Variants in HS6ST3 observed in about 807,000 individuals in gnomAD.
The protein encoded by HS6ST3 is heparan-sulfate 6-O-sulfotransferase 3.
Under a neutral mutation model 36.7 loss-of-function variants are expected in HS6ST3, and 12 were observed. The observed-to-expected ratio is 0.33, with a 90% CI of 0.21 to 0.53. HS6ST3 has a LOEUF of 0.53. HS6ST3 is among the 20% of genes least tolerant of loss of function. HS6ST3 has a pLI of 0.95. For synonymous variants in HS6ST3, 240 were observed against 257.5 expected (o/e 0.93, Z 0.65); for missense variants, 584 against 640.9 (o/e 0.91, Z 0.96).
chr13:96,491,073 A>G (rs990632118), intron 1 of HS6ST3, among the ~76,000 whole-genome samples: 1 of 152,168 alleles, frequency 6.6e-6, no homozygotes, highest in Non-Finnish European at 1.5e-5. Flanking sequence ...GGTATATGAT[A>G]GTTCTTAACA....
intron 1 of HS6ST3, among the ~76,000 whole-genome samples, chr13:96,636,787 C>T (rs1033668655): frequency 5.9e-5 from 9 of 152,064 alleles, no homozygotes; most frequent in Admixed American, 2.0e-4. Flanking sequence ...GTGTTTTAAA[C>T]GAGTTGACGA....
At chr13:96,171,270 T>G (rs970029957) in intron 1 of HS6ST3, among the ~76,000 whole-genome samples, 1 of 152,222 alleles carries the variant, frequency 6.6e-6, no homozygotes, top group African/African-American at 2.4e-5. Context: ...AACCATCTCC[T>G]TCCACCTTCC....
intron 1 of HS6ST3, among the ~76,000 whole-genome samples, chr13:96,535,876 A>G (rs2056153378): frequency 6.6e-6 from 1 of 152,150 alleles, no homozygotes; most frequent in African/African-American, 2.4e-5. Context: ...AGCAAGAGGG[A>G]AAGGCAGGAT....
chr13:96,770,990 C>T (rs1877249617), intron 1 of HS6ST3, among the ~76,000 whole-genome samples: 2 of 152,074 alleles, frequency 1.3e-5, no homozygotes, highest in South Asian at 4.2e-4. Context: ...TTTTCTTAAT[C>T]CAGTCTATCA....
intron 1 of HS6ST3, among the ~76,000 whole-genome samples, chr13:96,801,201 C>T (rs536528078): frequency 6.6e-6 from 1 of 152,232 alleles, no homozygotes; most frequent in Non-Finnish European, 1.5e-5. Flanking sequence ...ATCTCTGTGT[C>T]CTTGTTTGAC....
intron 1 of HS6ST3, among the ~76,000 whole-genome samples, chr13:96,106,304 T>G (rs1276762011): frequency 6.6e-6 from 1 of 152,106 alleles, no homozygotes; most frequent in Non-Finnish European, 1.5e-5. Context: ...TGAGTTTAGG[T>G]TATAAAAGGA....
At chr13:96,238,834 G>A (rs1452130782) in intron 1 of HS6ST3, among the ~76,000 whole-genome samples, 3 of 152,200 alleles carry the variant, frequency 2.0e-5, no homozygotes, top group African/African-American at 7.2e-5. Context: ...TTTGCCAAGT[G>A]TTTATTCTAC....
At chr13:96,605,312 C>T (rs2056434849) in intron 1 of HS6ST3, among the ~76,000 whole-genome samples, 1 of 151,950 alleles carries the variant, frequency 6.6e-6, no homozygotes, top group African/African-American at 2.4e-5. Flanking sequence ...TGAAAGAATG[C>T]CTAAATGCTG....
intron 1 of HS6ST3, among the ~76,000 whole-genome samples, chr13:96,739,535 T>C (rs1876380838): frequency 6.6e-6 from 1 of 152,148 alleles, no homozygotes; most frequent in Admixed American, 6.5e-5. Flanking sequence ...TTAGTTGTTC[T>C]GGCTAAAATC....
intron 1 of HS6ST3, among the ~76,000 whole-genome samples, chr13:96,313,616 A>G (rs1042858568): frequency 2.0e-5 from 3 of 152,134 alleles, no homozygotes; most frequent in Admixed American, 2.0e-4. Flanking sequence ...GATTCATCCC[A>G]AGTCTACTAC....
chr13:96,591,264 A>C (rs1350743134), intron 1 of HS6ST3, among the ~76,000 whole-genome samples: 2 of 151,992 alleles, frequency 1.3e-5, no homozygotes, highest in Non-Finnish European at 2.9e-5. Context: ...AATTTCACTG[A>C]ATCTGTAGAA....
chr13:96,269,150 C>G (rs1228414114), intron 1 of HS6ST3, among the ~76,000 whole-genome samples: 1 of 151,764 alleles, frequency 6.6e-6, no homozygotes, highest in Non-Finnish European at 1.5e-5. Context: ...AAACATGCCC[C>G]CAAATCAAGA....
At chr13:96,529,361 T>C (rs932367973) in intron 1 of HS6ST3, among the ~76,000 whole-genome samples, 2 of 152,222 alleles carry the variant, frequency 1.3e-5, no homozygotes, top group Admixed American at 1.3e-4. Flanking sequence ...AGAGATGAAG[T>C]CTTGAATCAG....
In HS6ST3 at chr13:96,545,107, G is replaced by T. The variant is rs778220481; in HGVS notation, c.708-287383G>T. On this transcript the variant is annotated intron_variant, in intron 1 of 1. Coordinates refer to ENST00000376705, the MANE Select transcript of HS6ST3 (RefSeq NM_153456.4). ...TGTATAATGCTATCTAAGTCTTGCT[G>T]GCATTATTTATGCAGCCTGTGTCAG... Among the ~76,000 whole-genome samples, 104 of 152,220 alleles carry T rather than the reference G, an allele frequency of 6.8e-4. 2 individuals are homozygous for T. Among genetic ancestry groups the T allele is most frequent in the Non-Finnish European group, 3.2e-4 (22 of 68,002 alleles).
At chr13:96,151,498 A>C (rs938441551) in intron 1 of HS6ST3, among the ~76,000 whole-genome samples, 1 of 152,160 alleles carries the variant, frequency 6.6e-6, no homozygotes, top group Non-Finnish European at 1.5e-5. Flanking sequence ...GTCTAGATGG[A>C]TATACGCACA....
intron 1 of HS6ST3, among the ~76,000 whole-genome samples, chr13:96,122,743 G>A (rs924974268): frequency 3.9e-5 from 6 of 152,122 alleles, no homozygotes; most frequent in African/African-American, 9.7e-5. Flanking sequence ...CTACATCAGC[G>A]TTTCGAACTG....
intron 1 of HS6ST3, chr13:96,573,975 A>G (rs1317218367): frequency 5.6e-6 from 3 of 538,728 alleles, no homozygotes; most frequent in Non-Finnish European, 1.1e-5. Context: ...CTCCACTGTC[A>G]GCTCTATGGC....
chr13:96,439,231 G>A (rs2055658140), intron 1 of HS6ST3, among the ~76,000 whole-genome samples: 1 of 152,124 alleles, frequency 6.6e-6, no homozygotes, highest in Non-Finnish European at 1.5e-5. Flanking sequence ...GTTGGTCCTG[G>A]TCCTCTTTAT....
chr13:96,197,033 T>A (rs945804489), intron 1 of HS6ST3, among the ~76,000 whole-genome samples: 1 of 152,354 alleles, frequency 6.6e-6, no homozygotes, highest in African/African-American at 2.4e-5. Context: ...TCTATGTGAT[T>A]CACAGAGGAC....
Sources: gnomAD v4.1 joint callset for allele counts (sites outside exome capture counted in the v4.1 genomes callset) on GRCh38, gnomAD v4.1.1 for gene constraint, MANE v1.5 for transcripts, NCBI Gene and HGNC (gene_info 2026-07-23, HGNC 2026-07-21) for gene names.